The following CEP76 variants were observed in gnomAD, a reference collection of about 807,000 sequenced individuals.
CEP76 encodes centrosomal protein of 76 kDa.
CEP76 carries 55 observed loss-of-function variants against 83.3 expected under a neutral mutation model. That is an observed-to-expected ratio of 0.66 (90% confidence interval 0.53 to 0.83). CEP76 has a LOEUF of 0.83. Among genes scored for constraint, CEP76 ranks in the 40% least tolerant of loss-of-function variants. The pLI, the probability that CEP76 is intolerant of heterozygous loss-of-function variation, is 0.00. For synonymous variants in CEP76, 270 were observed against 274.5 expected, an observed-to-expected ratio of 0.98 and a Z score of 0.16; for missense variants, 694 against 799.5, an observed-to-expected ratio of 0.87 and a Z score of 1.59.
intron 11 of CEP76, 35 bp from the exon 12 acceptor site, chr18:12,673,538 G>A (rs2039006146): frequency 6.7e-7 from 1 of 1,483,730 alleles, no homozygotes; most frequent in East Asian, 2.4e-5. Flanking sequence ...CAATTAAGAA[G>A]TGACCATACA....
intron 6 of CEP76, among the ~76,000 whole-genome samples, chr18:12,694,634 G>A (rs1467423527): frequency 2.0e-5 from 3 of 151,930 alleles, no homozygotes; most frequent in South Asian, 2.1e-4. Context: ...AAACGCCTGC[G>A]AAAGAACGTT....
Position 12,696,624 on chromosome 18 carries a change from T to C in CEP76, c.706+599A>G, listed in dbSNP as rs565391053. 1.2e-4 allele frequency among the ~76,000 whole-genome samples: 19 copies of C among 152,232 alleles called. 1 individual carries two copies. The South Asian group carries it at 3.9e-3, about 32-fold the overall frequency. Reference sequence around the variant, plus strand: ...CCATTATATGTTATAGATAAAACATTGGTAGGTTTTGTTTTCTCATTTTAT... The same window carrying C: ...CCATTATATGTTATAGATAAAACATCGGTAGGTTTTGTTTTCTCATTTTAT... On this transcript the variant is annotated intron_variant, in intron 5 of 11. Coordinates refer to ENST00000262127, the MANE Select transcript of CEP76 (RefSeq NM_024899.4).
Position 12,686,164 on chromosome 18 carries a change from A to G in CEP76, c.1122+98T>C. On this transcript the variant is annotated intron_variant, in intron 8 of 11. Transcript: ENST00000262127. ...AACCTGTGGGTACAGAGGGTTGACTATATGTGCATTTTTCTAAGGCATTCT... is the reference window on the plus strand; with the variant it reads ...AACCTGTGGGTACAGAGGGTTGACTGTATGTGCATTTTTCTAAGGCATTCT... The G allele has an allele frequency of 1.1e-5, 10 of 925,784 alleles. No homozygotes were observed. In the South Asian group the frequency reaches 1.6e-4, roughly 15 times the overall value. 57.3% of individuals were successfully genotyped at this position (925,784 alleles called of 1,614,324 possible). A position where few individuals can be genotyped will look rare whatever the true frequency, so the allele number is the denominator to read the frequency against.
chr18:12,695,320 T>A lies in CEP76; in HGVS notation c.738A>T (p.Leu246Phe). The A allele has an allele frequency of 6.4e-7, 1 of 1,564,752 alleles. No individual in the cohort carries two copies. Among genetic ancestry groups the A allele is most frequent in the Non-Finnish European group, 8.8e-7 (1 of 1,142,584 alleles). Residue 246 changes from leucine (L) to phenylalanine (F), a missense_variant, in exon 6 of 12, where the codon TTA (leucine) becomes TTT (phenylalanine). Leu to Phe is a conservative substitution (Grantham distance 22). Transcript: ENST00000262127. ...GTGGATACATTTCAAGTTTTATATT[T>A]AAAATTCCCACAGAAACTTTTGATT... ...GTESKVSVGI[L>F]NIKLEMYPPL...
chr18:12,698,164 A>G (rs1260928061), intron 4 of CEP76, among the ~76,000 whole-genome samples: 1 of 137,412 alleles, frequency 7.3e-6, no homozygotes, highest in Non-Finnish European at 1.5e-5. Flanking sequence ...TATTTTATTT[A>G]TATTTATTTG....
chr18:12,700,838 C>G (rs369682873), intron 2 of CEP76, 120 bp downstream of exon 2: 1 of 685,932 alleles, frequency 1.5e-6, no homozygotes. Context: ...CACTAGTAAA[C>G]AGAATGACCT....
chr18:12,693,708 G>A (rs577517014), intron 6 of CEP76, among the ~76,000 whole-genome samples: 6 of 152,180 alleles, frequency 3.9e-5, no homozygotes, highest in Non-Finnish European at 7.4e-5. Context: ...GCTTGAACTC[G>A]GCAGGCAGAC....
rs761592722 is a variant in CEP76, at chr18:12,678,447, A to G, written c.1290-5T>C. Reference sequence around the variant, plus strand: ...TTGGTAGGTTTATGGATGTACCTAAAAAAATTAAATAATTTTATATATGAG... The same window carrying G: ...TTGGTAGGTTTATGGATGTACCTAAGAAAATTAAATAATTTTATATATGAG... On this transcript the variant is annotated splice_region_variant and splice_polypyrimidine_tract_variant and intron_variant, in intron 9 of 11. Coordinates refer to ENST00000262127, the MANE Select transcript of CEP76 (RefSeq NM_024899.4). 16 of 1,554,624 alleles carry G rather than the reference A, an allele frequency of 1.0e-5. No homozygotes were observed. The East Asian group carries it at 3.6e-4, about 35-fold the overall frequency.
chr18:12,687,382 A>AT (rs1436742161), intron 7 of CEP76, among the ~76,000 whole-genome samples: 1 of 152,062 alleles, frequency 6.6e-6, no homozygotes, highest in Non-Finnish European at 1.5e-5. Context: ...AAGATCATTA[A>AT]TTTTTATGTT....
At chr18:12,674,865 T>G in intron 10 of CEP76, 112 bp from the exon 11 acceptor site, 1 of 566,048 alleles carries the variant, frequency 1.8e-6, no homozygotes, top group Non-Finnish European at 2.9e-6. Context: ...TTTTAAAAGC[T>G]ATCATAATAT....
intron 11 of CEP76, among the ~76,000 whole-genome samples, chr18:12,673,888 A>G (rs1435206450): frequency 2.0e-5 from 3 of 152,188 alleles, no homozygotes; most frequent in Non-Finnish European, 2.9e-5. Context: ...CTCAAAAATA[A>G]ATAAATAAAA....
chr18:12,682,659 C>T (rs978623908), intron 8 of CEP76, among the ~76,000 whole-genome samples: 6 of 151,058 alleles, frequency 4.0e-5, no homozygotes, highest in South Asian at 2.1e-4. Flanking sequence ...GACAGAGTCT[C>T]GCTCTGTCAC....
chr18:12,694,548 AAC>A (rs1233907859), intron 6 of CEP76, among the ~76,000 whole-genome samples: 2 of 152,166 alleles, frequency 1.3e-5, no homozygotes, highest in African/African-American at 4.8e-5. Context: ...AGCCTCTCCA[AAC>A]ACACTCTAAA....
chr18:12,679,932 T>C (rs952770741), intron 9 of CEP76, among the ~76,000 whole-genome samples: 1 of 151,774 alleles, frequency 6.6e-6, no homozygotes, highest in Non-Finnish European at 1.5e-5. Flanking sequence ...TGTGCACACC[T>C]GCAGTCCCAG....
chr18:12,691,913 G>A (rs946922646), intron 6 of CEP76, among the ~76,000 whole-genome samples: 7 of 151,812 alleles, frequency 4.6e-5, no homozygotes, highest in Admixed American at 4.6e-4. Flanking sequence ...TAGAGACAGG[G>A]TTTCACCACA....
At chr18:12,664,031 G>A (rs1012179013) in intron 12 of CEP76, among the ~76,000 whole-genome samples, 1 of 152,226 alleles carries the variant, frequency 6.6e-6, no homozygotes, top group Non-Finnish European at 1.5e-5. Context: ...AGGCATGGTG[G>A]TGCATGCCTG....
chr18:12,702,634 G>C lies in CEP76; in HGVS notation c.-86C>G. ...CCGGCCGGGCCAGGGAGCGTTAGGA[G>C]CGACTGGAGCACAAAGCGCCGCAGC... is the stretch of plus-strand genomic sequence containing the variant. On this transcript the variant is annotated 5_prime_UTR_variant, in exon 1 of 12. Coordinates refer to ENST00000262127, the MANE Select transcript of CEP76 (RefSeq NM_024899.4). 11 of 1,438,414 alleles carry C rather than the reference G, an allele frequency of 7.6e-6. No individual in the cohort carries two copies. The South Asian group carries it at 1.1e-4, about 15-fold the overall frequency. The allele number at this position is 1,438,414 out of a possible 1,614,324, so 89.1% of individuals were successfully genotyped here. A position where few individuals can be genotyped will look rare whatever the true frequency, so the allele number is the denominator to read the frequency against.
chr18:12,664,488 C>T lies in CEP76; in HGVS notation c.*1728-2319G>A, dbSNP rs566188054. Among the ~76,000 whole-genome samples, 355 of 151,646 alleles carry T rather than the reference C, an allele frequency of 2.3e-3. 3 individuals are homozygous for T. Among genetic ancestry groups the T allele is most frequent in the South Asian group, 0.014 (69 of 4,806 alleles). ...TTGCTTGAACCCGGGAGGCAGAGAT[C>T]GCAGTGAGCCAAGATCACGCCATTG... On this transcript the variant is annotated intron_variant and NMD_transcript_variant, in intron 12 of 12. Coordinates refer to the CEP76 transcript ENST00000590143.
Position 12,686,344 on chromosome 18 carries a change from C to G in CEP76, c.1040G>C (p.Gly347Ala), listed in dbSNP as rs1447344612. Residue 347 changes from glycine (G) to alanine (A), a missense_variant, in exon 8 of 12, where the codon GGT (glycine) becomes GCT (alanine). Coordinates refer to ENST00000262127, the MANE Select transcript of CEP76 (RefSeq NM_024899.4). Reference protein sequence around the residue: ...RQAARFVNVLGYERAPVIGGG... With the variant: ...RQAARFVNVLAYERAPVIGGG... ...TCCAATAACAGGGGCTCGTTCATAACCAAGGACATTAACAAATCTTGCTGC... is the reference window on the plus strand; with the variant it reads ...TCCAATAACAGGGGCTCGTTCATAAGCAAGGACATTAACAAATCTTGCTGC... The G allele has an allele frequency of 1.2e-6, 2 of 1,614,130 alleles. No individual in the cohort carries two copies. The highest frequency in any genetic ancestry group is 1.7e-6 in the Non-Finnish European group (2 of 1,180,014).
Sources: allele counts gnomAD v4.1 joint callset (sites outside exome capture counted in the v4.1 genomes callset), GRCh38; gene constraint gnomAD v4.1.1; transcripts MANE v1.5; gene names NCBI Gene and HGNC (gene_info 2026-07-23, HGNC 2026-07-21).